The following LRRC37A2 variants were observed in gnomAD, a reference collection of about 807,000 sequenced individuals.
LRRC37A2 encodes leucine rich repeat containing 37 member A2.
A neutral mutation model predicts 68.8 loss-of-function variants in LRRC37A2; 9 were observed. The observed-to-expected ratio is 0.13, with a 90% CI of 0.08 to 0.23. The LOEUF (loss-of-function observed/expected upper bound fraction) is 0.23. Among genes scored for constraint, LRRC37A2 ranks in the 10% least tolerant of loss-of-function variants. The pLI is 1.00. For missense variants in LRRC37A2, 168 were observed against 950.4 expected (o/e 0.18, Z 10.82); for synonymous variants, 63 against 367.6 (o/e 0.17, Z 9.48).
chr17:47,028,642 C>T, the LRRC37A2 span, among the ~76,000 whole-genome samples: 1 of 152,094 alleles, frequency 6.6e-6, no homozygotes, highest in Non-Finnish European at 1.5e-5. Context: ...GGCGGGGTGG[C>T]TCAGACCTGT....
the LRRC37A2 span, among the ~76,000 whole-genome samples, chr17:46,969,785 AAGATTTG>A: frequency 6.6e-6 from 1 of 152,170 alleles, no homozygotes; most frequent in Non-Finnish European, 1.5e-5. Context: ...GCCTGGCCTG[AAGATTTG>A]AGTGTATAGG....
chr17:46,773,763 C>T, the LRRC37A2 span: 1 of 1,613,240 alleles, frequency 6.2e-7, no homozygotes, highest in Non-Finnish European at 8.5e-7. Flanking sequence ...CTCCTGGATG[C>T]CCAGCTTCAC....
At chr17:46,939,808 T>C in the LRRC37A2 span, 2 of 988,856 alleles carry the variant, frequency 2.0e-6, no homozygotes, top group Non-Finnish European at 2.4e-6. Flanking sequence ...ATTCAGGCTG[T>C]ACTAATACCA....
Position 46,534,207 on chromosome 17 carries a change from A to G in LRRC37A2, c.2907-5969A>G, listed in dbSNP as rs558914482. Among the ~76,000 whole-genome samples, 37 of 140,760 alleles carry G rather than the reference A, an allele frequency of 2.6e-4. 1 individual carries two copies. In the South Asian group the frequency reaches 7.8e-3, roughly 30 times the overall value. The allele number at this position is 140,760 out of a possible 152,430, so 92.3% of individuals were successfully genotyped here. On this transcript the variant is annotated intron_variant, in intron 6 of 14. Coordinates refer to ENST00000576629, the Ensembl canonical transcript of LRRC37A2. ...TTTGTTTTTGTTTTTGTTTTTTTTAATTTTTTTTTATTGATCATTCTTGGG... is the reference window on the plus strand; with the variant it reads ...TTTGTTTTTGTTTTTGTTTTTTTTAGTTTTTTTTTATTGATCATTCTTGGG...
At chr17:46,836,712 G>A in the LRRC37A2 span, among the ~76,000 whole-genome samples, 1 of 152,320 alleles carries the variant, frequency 6.6e-6, no homozygotes, top group South Asian at 2.1e-4. Context: ...TGGCAAGCCA[G>A]GCTGGAGGTG....
the LRRC37A2 span, chr17:46,749,688 C>A: frequency 3.4e-5 from 44 of 1,283,632 alleles, no homozygotes; most frequent in Non-Finnish European, 4.5e-5. Flanking sequence ...AAATAAAAGT[C>A]TTTTGCAAAT....
chr17:46,408,531 C>CTT, the LRRC37A2 span, among the ~76,000 whole-genome samples: 2 of 62,518 alleles, frequency 3.2e-5, no homozygotes, highest in African/African-American at 8.1e-5. Context: ...TTTTTTAAAT[C>CTT]TTTTTTTTTT....
chr17:46,816,127 A>ACG, the LRRC37A2 span, among the ~76,000 whole-genome samples: 15 of 128,446 alleles, frequency 1.2e-4, no homozygotes, highest in East Asian at 1.3e-3. Flanking sequence ...ACACACACAC[A>ACG]CACTCACACA....
the LRRC37A2 span, chr17:46,768,852 A>T: frequency 6.3e-7 from 1 of 1,591,826 alleles, no homozygotes; most frequent in Admixed American, 1.7e-5. This position sits in a 1 kb window ranked among gnomAD's most constrained non-coding sequence, Gnocchi z 5.0. Context: ...GAGGGGGCAC[A>T]TCCAGGCCTT....
At chr17:46,950,319 G>A in the LRRC37A2 span, among the ~76,000 whole-genome samples, 1 of 152,190 alleles carries the variant, frequency 6.6e-6, no homozygotes, top group Non-Finnish European at 1.5e-5. Context: ...GGAGGAGGCG[G>A]CTGGCTGAGG....
At chr17:46,770,300 G>C in the LRRC37A2 span, among the ~76,000 whole-genome samples, 3,002 of 152,338 alleles carry the variant, frequency 0.02, 116 homozygotes, top group African/African-American at 0.068. Context: ...AAATGCCACA[G>C]GGCAAAGCAG....
At chr17:46,944,049 CTG>C in the LRRC37A2 span, among the ~76,000 whole-genome samples, 5 of 152,284 alleles carry the variant, frequency 3.3e-5, no homozygotes, top group East Asian at 9.7e-4. Flanking sequence ...TTCCAGGCAT[CTG>C]TGACATGGTG....
chr17:46,802,606 C>G, the LRRC37A2 span, among the ~76,000 whole-genome samples: 1 of 152,144 alleles, frequency 6.6e-6, no homozygotes, highest in Non-Finnish European at 1.5e-5. Flanking sequence ...AACCCCAACC[C>G]CATCCTTTGG....
chr17:46,768,778 G>A, the LRRC37A2 span: 1 of 1,613,798 alleles, frequency 6.2e-7, no homozygotes, highest in African/African-American at 1.3e-5. This position sits in a 1 kb window ranked among gnomAD's most constrained non-coding sequence, Gnocchi z 5.0. Flanking sequence ...TTGCATTTGA[G>A]GTGCATGTGG....
At chr17:46,759,958 G>A in the LRRC37A2 span, among the ~76,000 whole-genome samples, 7 of 152,180 alleles carry the variant, frequency 4.6e-5, no homozygotes, top group Non-Finnish European at 1.0e-4. Context: ...GCTATCAACT[G>A]TATTCTCCTT....
chr17:46,803,898 G>A, the LRRC37A2 span, among the ~76,000 whole-genome samples: 1 of 152,186 alleles, frequency 6.6e-6, no homozygotes, highest in African/African-American at 2.4e-5. Flanking sequence ...GCTGAAGAGG[G>A]TGGGCACAGG....
At chr17:46,729,365 T>TA in the LRRC37A2 span, among the ~76,000 whole-genome samples, 2 of 152,198 alleles carry the variant, frequency 1.3e-5, no homozygotes, top group South Asian at 4.1e-4. Flanking sequence ...TTTGGGCAGT[T>TA]AAAAAACTAT....
At chr17:47,015,436 A>G in the LRRC37A2 span, among the ~76,000 whole-genome samples, 14 of 152,188 alleles carry the variant, frequency 9.2e-5, no homozygotes. Flanking sequence ...TTTGTAGCCT[A>G]GGAGTCCTAA....
chr17:46,605,554 T>A, the LRRC37A2 span, among the ~76,000 whole-genome samples: 1 of 119,300 alleles, frequency 8.4e-6, no homozygotes, highest in Non-Finnish European at 1.8e-5. Flanking sequence ...AGACAGGGAG[T>A]AATATTTTCC....
Sources: allele counts gnomAD v4.1 joint callset (sites outside exome capture counted in the v4.1 genomes callset), GRCh38; gene constraint gnomAD v4.1.1; non-coding constraint Gnocchi (gnomAD v3.1); transcripts MANE v1.5; gene names NCBI Gene and HGNC (gene_info 2026-07-23, HGNC 2026-07-21).